MTUS2: variants seen among roughly 807,000 people sequenced by gnomAD.
MTUS2 encodes the protein microtubule-associated tumor suppressor candidate 2.
In MTUS2, 40 loss-of-function variants were observed where a neutral mutation model predicts 114.1. The observed-to-expected ratio is 0.35, with a 90% CI of 0.27 to 0.46. The LOEUF is 0.46. MTUS2 is among the 20% of genes least tolerant of loss of function. The probability of loss-of-function intolerance (pLI) is 1.00; values close to 1 mark genes in which losing one functional copy is unlikely to be tolerated. For synonymous variants in MTUS2, 688 were observed against 672.0 expected (o/e 1.02, Z -0.37); for missense variants, 1,679 against 1,705.4 (o/e 0.98, Z 0.27).
chr13:29,375,832 A>T (rs896523348), intron 8 of MTUS2, among the ~76,000 whole-genome samples: 7 of 150,814 alleles, frequency 4.6e-5, no homozygotes, highest in African/African-American at 1.2e-4. Flanking sequence ...GACATTGGAG[A>T]CTCAGAAGTG....
chr13:29,075,254 C>T (rs1440244944), intron 4 of MTUS2, among the ~76,000 whole-genome samples: 6 of 151,928 alleles, frequency 3.9e-5, no homozygotes, highest in Non-Finnish European at 5.9e-5. Context: ...GGGAGGCACA[C>T]AGGGTTCACT....
chr13:29,016,803 G>C (rs1886086359), intron 2 of MTUS2, among the ~76,000 whole-genome samples: 1 of 152,198 alleles, frequency 6.6e-6, no homozygotes, highest in Non-Finnish European at 1.5e-5. Flanking sequence ...GCTCCAGAGA[G>C]CTATTATATT....
intron 5 of MTUS2, among the ~76,000 whole-genome samples, chr13:29,229,678 C>T (rs1896247958): frequency 6.6e-6 from 1 of 152,162 alleles, no homozygotes; most frequent in Admixed American, 6.6e-5. Flanking sequence ...ACCTCAGATA[C>T]AGGAATCTTT....
At chr13:29,417,389 T>C (rs1027859081) in intron 8 of MTUS2, among the ~76,000 whole-genome samples, 2 of 152,214 alleles carry the variant, frequency 1.3e-5, no homozygotes, top group African/African-American at 2.4e-5. Context: ...AAATCCAAAC[T>C]ATTTTAGTAT....
intron 4 of MTUS2, among the ~76,000 whole-genome samples, chr13:29,086,854 C>G (rs1889714059): frequency 6.6e-6 from 1 of 151,960 alleles, no homozygotes; most frequent in South Asian, 2.1e-4. Context: ...AGCTGTATTC[C>G]TAGGTATTTT....
chr13:29,240,916 C>T (rs1014603559), intron 5 of MTUS2, among the ~76,000 whole-genome samples: 5 of 151,966 alleles, frequency 3.3e-5, no homozygotes, highest in Non-Finnish European at 7.4e-5. Flanking sequence ...AAAATTCAAC[C>T]TTATAAAAAA....
chr13:28,933,198 C>T (rs1010415605), intron 2 of MTUS2, among the ~76,000 whole-genome samples: 13 of 151,710 alleles, frequency 8.6e-5, no homozygotes, highest in African/African-American at 2.9e-4. Flanking sequence ...TATTTATCAG[C>T]ATTGGCCCAC....
intron 5 of MTUS2, among the ~76,000 whole-genome samples, chr13:29,125,434 A>C (rs1286408104): frequency 6.6e-6 from 1 of 152,228 alleles, no homozygotes; most frequent in African/African-American, 2.4e-5. Context: ...TGTCAACAGA[A>C]GCAAATCTAA....
chr13:29,064,298 A>C (rs994664904), intron 4 of MTUS2, among the ~76,000 whole-genome samples: 4 of 149,308 alleles, frequency 2.7e-5, no homozygotes, highest in African/African-American at 9.9e-5. Flanking sequence ...ATAGATACAG[A>C]GTGTGTGGGT....
At chr13:29,427,163 A>G (rs945410992) in intron 8 of MTUS2, among the ~76,000 whole-genome samples, 1 of 152,336 alleles carries the variant, frequency 6.6e-6, no homozygotes, top group South Asian at 2.1e-4. Flanking sequence ...AAAATAAAAC[A>G]TGCTCACGAG....
intron 5 of MTUS2, among the ~76,000 whole-genome samples, chr13:29,178,148 G>A (rs997697924): frequency 2.6e-5 from 4 of 152,024 alleles, no homozygotes; most frequent in African/African-American, 7.3e-5. Flanking sequence ...GCGAACTACC[G>A]GGCATTTGGC....
At chr13:29,148,472 C>CTTTTTT (rs976334425) in intron 5 of MTUS2, among the ~76,000 whole-genome samples, 16 of 71,374 alleles carry the variant, frequency 2.2e-4, no homozygotes, top group African/African-American at 4.2e-4. Flanking sequence ...GTTTGGTTTT[C>CTTTTTT]TTTTTTTTTT....
At chr13:29,119,420 A>G (rs1018764580) in intron 5 of MTUS2, among the ~76,000 whole-genome samples, 3 of 152,230 alleles carry the variant, frequency 2.0e-5, no homozygotes, top group African/African-American at 7.2e-5. Context: ...TAGGAATTTT[A>G]AGTTTGAAAG....
intron 2 of MTUS2, among the ~76,000 whole-genome samples, chr13:28,943,050 A>C (rs1213639762): frequency 6.6e-6 from 1 of 152,236 alleles, no homozygotes; most frequent in African/African-American, 2.4e-5. Context: ...TTAAAAGAAC[A>C]CAGTCCCTCA....
intron 2 of MTUS2, among the ~76,000 whole-genome samples, chr13:28,886,561 T>C (rs1223304301): frequency 2.0e-5 from 3 of 151,904 alleles, no homozygotes; most frequent in Admixed American, 1.3e-4. Flanking sequence ...ATGCTGTGTG[T>C]TGAGATGGGG....
chr13:29,371,195 C>T (rs1871158473), intron 8 of MTUS2, among the ~76,000 whole-genome samples: 3 of 148,072 alleles, frequency 2.0e-5, no homozygotes, highest in South Asian at 4.3e-4. Flanking sequence ...CATATTATTT[C>T]ATTTAATATC....
At chr13:29,030,299 G>A (rs895578147) in intron 3 of MTUS2, among the ~76,000 whole-genome samples, 1 of 152,314 alleles carries the variant, frequency 6.6e-6, no homozygotes, top group South Asian at 2.1e-4. Context: ...TGTGGAGAGA[G>A]CATCATGGCC....
At chr13:29,171,102 A>G (rs1216436122) in intron 5 of MTUS2, among the ~76,000 whole-genome samples, 1 of 151,690 alleles carries the variant, frequency 6.6e-6, no homozygotes, top group Non-Finnish European at 1.5e-5. Context: ...ACAGGATCTC[A>G]TTTAGCAGGA....
intron 4 of MTUS2, among the ~76,000 whole-genome samples, chr13:29,053,075 T>A (rs185565832): frequency 1.3e-5 from 2 of 152,268 alleles, no homozygotes; most frequent in Admixed American, 6.5e-5. Flanking sequence ...TCTTTATAAA[T>A]TACCCAGTCT....
Sources: gnomAD v4.1 joint callset for allele counts (sites outside exome capture counted in the v4.1 genomes callset) on GRCh38, gnomAD v4.1.1 for gene constraint, MANE v1.5 for transcripts, NCBI Gene and HGNC (gene_info 2026-07-23, HGNC 2026-07-21) for gene names.